C14orf39: variants seen among roughly 807,000 people sequenced by gnomAD.
The protein encoded by C14orf39 is protein SIX6OS1.
C14orf39 carries 66 observed loss-of-function variants against 85.6 expected under a neutral mutation model. The observed-to-expected ratio is 0.77, with a 90% CI of 0.63 to 0.95. The LOEUF is 0.95. Ranked by LOEUF, C14orf39 falls within the 40% of genes least tolerant of loss-of-function variation. The pLI, the probability that C14orf39 is intolerant of heterozygous loss-of-function variation, is 0.00. For synonymous variants in C14orf39, 242 were observed against 214.0 expected (o/e 1.13, Z -1.14); for missense variants, 735 against 663.9 (o/e 1.11, Z -1.18).
intron 1 of C14orf39, among the ~76,000 whole-genome samples, chr14:60,508,527 G>T (rs1010807141): frequency 6.6e-6 from 1 of 152,176 alleles, no homozygotes; most frequent in Non-Finnish European, 1.5e-5. Flanking sequence ...AGTGGGCTTT[G>T]AAGGGAGTAA....
Sources: allele counts gnomAD v4.1 joint callset (sites outside exome capture counted in the v4.1 genomes callset), GRCh38; gene constraint gnomAD v4.1.1; transcripts MANE v1.5; gene names NCBI Gene and HGNC (gene_info 2026-07-23, HGNC 2026-07-21).